CCNY: variants seen among roughly 807,000 people sequenced by gnomAD.
The protein encoded by CCNY is cyclin-Y.
Under a neutral mutation model 42.8 loss-of-function variants are expected in CCNY, and 19 were observed. The ratio of observed to expected loss-of-function variants is 0.44; its 90% CI spans 0.31 to 0.65. CCNY has a LOEUF of 0.65. Ranked by LOEUF, CCNY falls within the 30% of genes least tolerant of loss-of-function variation. The probability of loss-of-function intolerance (pLI) is 0.07; values close to 1 mark genes in which losing one functional copy is unlikely to be tolerated. For synonymous variants in CCNY, 165 were observed against 162.7 expected, an observed-to-expected ratio of 1.01 and a Z score of -0.11; for missense variants, 370 against 437.3, an observed-to-expected ratio of 0.85 and a Z score of 1.37.
chr10:35,272,262 C>G (rs759402806), intron 3 of CCNY, among the ~76,000 whole-genome samples: 1 of 151,520 alleles, frequency 6.6e-6, no homozygotes, highest in Non-Finnish European at 1.5e-5. Context: ...GCTGGGATTA[C>G]AGGCGTGAGC....
chr10:35,360,738 A>G (rs533647014), intron 1 of CCNY, among the ~76,000 whole-genome samples: 2 of 152,226 alleles, frequency 1.3e-5, no homozygotes, highest in Admixed American at 1.3e-4. Flanking sequence ...TATGAACATT[A>G]ATACTCATCT....
chr10:35,253,101 T>G (rs1264160133), intron 3 of CCNY, among the ~76,000 whole-genome samples: 2 of 152,220 alleles, frequency 1.3e-5, no homozygotes, highest in Non-Finnish European at 2.9e-5. Flanking sequence ...AGTTCACTGC[T>G]GACACTATTG....
Position 35,345,874 on chromosome 10 carries a change from T to C in CCNY, c.154+8667T>C, listed in dbSNP as rs545660951. On this transcript the variant is annotated intron_variant, in intron 1 of 9. Coordinates refer to ENST00000374704, the MANE Select transcript of CCNY (RefSeq NM_145012.6). ...TTCATTACTCTTCTGAGTTGCATCT[T>C]TCTGAAGTCAGTGTGATGCCACACA... Among the ~76,000 whole-genome samples, 3 of 152,346 alleles carry C rather than the reference T, an allele frequency of 2.0e-5. No homozygotes were observed. In the East Asian group the frequency reaches 5.8e-4, roughly 29 times the overall value.
intron 2 of CCNY, among the ~76,000 whole-genome samples, chr10:35,500,827 C>T (rs1020566190): frequency 1.3e-5 from 2 of 152,192 alleles, no homozygotes; most frequent in Non-Finnish European, 2.9e-5. Context: ...CTGCTCAGCA[C>T]AGGCCATGCA....
At chr10:35,320,643 G>C (rs1026657506) in intron 3 of CCNY, among the ~76,000 whole-genome samples, 2 of 152,100 alleles carry the variant, frequency 1.3e-5, no homozygotes, top group African/African-American at 4.8e-5. Context: ...AAAAGGCAAA[G>C]AAAACCATAC....
chr10:35,555,599 G>A (rs1185831075), intron 8 of CCNY, among the ~76,000 whole-genome samples: 1 of 152,186 alleles, frequency 6.6e-6, no homozygotes, highest in Non-Finnish European at 1.5e-5. Context: ...TTTACAGATG[G>A]AAACGAGGCC....
Position 35,566,073 on chromosome 10 carries a change from T to C in CCNY, c.797T>C (p.Val266Ala). 6.2e-7 allele frequency: 1 copy of C among 1,614,178 alleles called. No individual in the cohort carries two copies. Among genetic ancestry groups the C allele is most frequent in the Non-Finnish European group, 8.5e-7 (1 of 1,180,002 alleles). Residue 266 changes from valine (V) to alanine (A), a missense_variant, in exon 9 of 10, where the codon GTT becomes GCT. Physicochemically the swap from Val to Ala is moderately conservative, Grantham distance 64 (BLOSUM62 0). Coordinates refer to ENST00000374704, the MANE Select transcript of CCNY (RefSeq NM_145012.6). ...FLELLQFNIN[V>A]PSSVYAKYYF... is the part of the protein sequence containing the mutation. ...GAATTGCTGCAGTTCAACATCAATG[T>C]TCCTTCCAGTGTCTATGCCAAGTAT...
In CCNY at chr10:35,254,902, C is replaced by T. The variant is rs1221267820; in HGVS notation, c.-9+4276C>T. 3.4e-5 allele frequency among the ~76,000 whole-genome samples: 5 copies of T among 146,156 alleles called. 1 individual carries two copies. Among genetic ancestry groups the T allele is most frequent in the Admixed American group, 2.1e-4 (3 of 14,536 alleles). ...GTGTTGTTTAATTTCTATGAATTTTCCAGTTTTATTTCTGTAATTGATTCC... is the reference window on the plus strand; with the variant it reads ...GTGTTGTTTAATTTCTATGAATTTTTCAGTTTTATTTCTGTAATTGATTCC... On this transcript the variant is annotated intron_variant, in intron 3 of 11. Transcript: ENST00000374706.
chr10:35,481,278 G>C (rs986013608), intron 1 of CCNY, among the ~76,000 whole-genome samples: 6 of 152,110 alleles, frequency 3.9e-5, no homozygotes, highest in Non-Finnish European at 8.8e-5. Context: ...TAGAATCTGT[G>C]ATATCCCCAT....
intron 1 of CCNY, among the ~76,000 whole-genome samples, chr10:35,349,295 A>G (rs1836378417): frequency 6.6e-6 from 1 of 152,192 alleles, no homozygotes; most frequent in Non-Finnish European, 1.5e-5. Flanking sequence ...CAGCTGCCTC[A>G]TGGACACAGC....
chr10:35,390,519 C>G (rs972985643), intron 1 of CCNY, among the ~76,000 whole-genome samples: 1 of 152,172 alleles, frequency 6.6e-6, no homozygotes, highest in African/African-American at 2.4e-5. Context: ...GAGGATGTGC[C>G]TACAGATTTG....
At chr10:35,427,353 G>A (rs1838293174) in intron 1 of CCNY, among the ~76,000 whole-genome samples, 1 of 152,186 alleles carries the variant, frequency 6.6e-6, no homozygotes, top group Non-Finnish European at 1.5e-5. Context: ...TGTCCTGCCT[G>A]AGTCCATCCC....
In CCNY at chr10:35,530,114, T is replaced by C; in HGVS notation, c.460-10T>C. ...GGAGATCAGTCATCTGAAAATATTT[T>C]CTTCCCCAGAAATCCGAAGTGCCAC... On this transcript the variant is annotated splice_polypyrimidine_tract_variant and intron_variant, in intron 6 of 9. Transcript: ENST00000374704. The surrounding 1 kb of genome is among the most constrained non-coding windows in gnomAD (Gnocchi z 4.3). 6.2e-7 allele frequency: 1 copy of C among 1,614,202 alleles called. No homozygotes were observed. Among genetic ancestry groups the C allele is most frequent in the South Asian group, 1.1e-5 (1 of 91,086 alleles).
chr10:35,337,148 T>C lies in CCNY; in HGVS notation c.95T>C (p.Leu32Pro). 2 of 1,585,574 alleles carry C rather than the reference T, an allele frequency of 1.3e-6. No homozygotes were observed. Among genetic ancestry groups the C allele is most frequent in the Non-Finnish European group, 1.7e-6 (2 of 1,168,134 alleles). ...GAGTCCTACCGGCCAGACACGGACC[T>C]GAGCCGCGAGGACACGGGCTGCAAC... ...RLESYRPDTDLSREDTGCNLQ... is the reference protein window; with the variant it reads ...RLESYRPDTDPSREDTGCNLQ... Residue 32 changes from leucine (L) to proline (P), a missense_variant, in exon 1 of 10, where the codon CTG becomes CCG. Leu to Pro is a moderately conservative substitution (Grantham distance 98). Coordinates refer to ENST00000374704, the MANE Select transcript of CCNY (RefSeq NM_145012.6).
intron 1 of CCNY, among the ~76,000 whole-genome samples, chr10:35,418,607 A>G (rs1225224784): frequency 1.3e-5 from 2 of 152,048 alleles, no homozygotes; most frequent in African/African-American, 4.8e-5. Context: ...GTAACTGAGA[A>G]TATGCCTCCG....
chr10:35,302,576 G>T (rs924867659), intron 3 of CCNY, among the ~76,000 whole-genome samples: 1 of 152,118 alleles, frequency 6.6e-6, no homozygotes, highest in African/African-American at 2.4e-5. Context: ...CTCCCAAAGT[G>T]CTGGGATTAT....
chr10:35,257,513 A>G (rs1195486615), intron 3 of CCNY, among the ~76,000 whole-genome samples: 1 of 152,030 alleles, frequency 6.6e-6, no homozygotes, highest in African/African-American at 2.4e-5. Flanking sequence ...GCCAAATGCA[A>G]GATTCTTGCT....
intron 1 of CCNY, among the ~76,000 whole-genome samples, chr10:35,404,589 A>C (rs1229895355): frequency 6.6e-6 from 1 of 152,154 alleles, no homozygotes; most frequent in Non-Finnish European, 1.5e-5. Context: ...TTATTGATTA[A>C]GAAGGGGACG....
intron 1 of CCNY, among the ~76,000 whole-genome samples, chr10:35,350,483 T>C (rs1399733289): frequency 2.6e-5 from 4 of 152,184 alleles, no homozygotes; most frequent in African/African-American, 7.2e-5. Context: ...TCCGACTACA[T>C]TTTCTGACAG....
Sources: allele counts gnomAD v4.1 joint callset (sites outside exome capture counted in the v4.1 genomes callset), GRCh38; gene constraint gnomAD v4.1.1; non-coding constraint Gnocchi (gnomAD v3.1); transcripts MANE v1.5; gene names NCBI Gene and HGNC (gene_info 2026-07-23, HGNC 2026-07-21).